CRIM1: variants seen among roughly 807,000 people sequenced by gnomAD.
CRIM1 encodes the protein cysteine-rich motor neuron 1 protein.
In CRIM1, 32 loss-of-function variants were observed where a neutral mutation model predicts 116.4. The ratio of observed to expected loss-of-function variants is 0.27; its 90% confidence interval spans 0.21 to 0.37. CRIM1 has a LOEUF of 0.37. Ranked by LOEUF, CRIM1 falls within the 10% of genes least tolerant of loss-of-function variation. CRIM1 has a pLI of 1.00. For synonymous variants in CRIM1, 590 were observed against 509.2 expected, an observed-to-expected ratio of 1.16 and a Z score of -2.13; for missense variants, 1,331 against 1,354.8, an observed-to-expected ratio of 0.98 and a Z score of 0.28.
At chr2:36,363,388 A>G (rs12712499) in intron 1 of CRIM1, among the ~76,000 whole-genome samples, 34,285 of 151,888 alleles carry the variant, frequency 0.23, 4,214 homozygotes, top group Non-Finnish European at 0.28. Context: ...GCTACTAACC[A>G]GTATAAGTGA....
At chr2:36,539,526 A>G (rs1419300042) in intron 14 of CRIM1, among the ~76,000 whole-genome samples, 1 of 152,158 alleles carries the variant, frequency 6.6e-6, no homozygotes, top group Non-Finnish European at 1.5e-5. Flanking sequence ...TTACCTTTGA[A>G]TGGGATTTCT....
chr2:36,544,006 A>C (rs1365621895), intron 14 of CRIM1, among the ~76,000 whole-genome samples: 1 of 152,182 alleles, frequency 6.6e-6, no homozygotes, highest in East Asian at 1.9e-4. Context: ...CAATACCCCC[A>C]TATTAAAGAG....
In CRIM1 at chr2:36,471,761, C is replaced by CACACACACACACACACA. The variant is rs72156127; in HGVS notation, c.992-5127_992-5126insCACACACACACACACAA. ...CACACACACACACACACACACACAC[C>CACACACACACACACACA]ATCTTACAATGTTTTAAGAAAGTTT... On this transcript the variant is annotated intron_variant, in intron 5 of 16. Transcript: ENST00000280527. 1.9e-3 allele frequency among the ~76,000 whole-genome samples: 249 copies of CACACACACACACACACA among 128,658 alleles called. 4 individuals are homozygous for CACACACACACACACACA. Among genetic ancestry groups the CACACACACACACACACA allele is most frequent in the African/African-American group, 6.5e-3 (233 of 35,588 alleles). The allele number at this position is 128,658 out of a possible 152,430, so 84.4% of individuals were successfully genotyped here.
chr2:36,469,476 A>G (rs781527932), intron 5 of CRIM1, among the ~76,000 whole-genome samples: 12 of 152,332 alleles, frequency 7.9e-5, no homozygotes, highest in Non-Finnish European at 1.6e-4. Context: ...ATTCAGGCAT[A>G]TACGAAAGGC....
At chr2:36,390,392 C>A (rs1671481828) in intron 1 of CRIM1, among the ~76,000 whole-genome samples, 1 of 152,180 alleles carries the variant, frequency 6.6e-6, no homozygotes. Flanking sequence ...GGTGAGCTGT[C>A]CCTGGCATTT....
intron 4 of CRIM1, among the ~76,000 whole-genome samples, chr2:36,450,039 C>T (rs893243351): frequency 1.3e-5 from 2 of 151,944 alleles, no homozygotes; most frequent in Non-Finnish European, 2.9e-5. Flanking sequence ...TGTTAGTTAA[C>T]CTTTTTTTTT....
At position 36,545,857 on chromosome 2, in the gene CRIM1, ATT is replaced by A. The variant is rs766452859; in HGVS notation, c.2747-1125_2747-1124del. ...AAATTCATTCTTTTATTCATTGTAT[ATT>A]TAAAATCTGAATTCATCAATAAAAT... On this transcript the variant is annotated intron_variant, in intron 15 of 16. Coordinates refer to ENST00000280527, the MANE Select transcript of CRIM1 (RefSeq NM_016441.3). Among the ~76,000 whole-genome samples, 3 of 152,142 alleles carry A rather than the reference ATT, an allele frequency of 2.0e-5. No individual in the cohort carries two copies. In the East Asian group the frequency reaches 5.8e-4, roughly 29 times the overall value.
chr2:36,482,317 TTAA>T (rs1206351039), intron 7 of CRIM1, among the ~76,000 whole-genome samples: 1 of 152,168 alleles, frequency 6.6e-6, no homozygotes, highest in African/African-American at 2.4e-5. Flanking sequence ...TTAAGATGTA[TTAA>T]TAATAAGAAC....
Position 36,549,713 on chromosome 2 carries a change from T to C in CRIM1, c.*1012T>C, listed in dbSNP as rs1042826553. 2 of 152,480 alleles carry C rather than the reference T, an allele frequency of 1.3e-5. No homozygotes were observed. Among genetic ancestry groups the C allele is most frequent in the Admixed American group, 6.6e-5 (1 of 15,266 alleles). 9.4% of individuals were successfully genotyped at this position (152,480 alleles called of 1,614,324 possible). A position where few individuals can be genotyped will look rare whatever the true frequency, so the allele number is the denominator to read the frequency against. ...GAAACTACTTCATTTTAATTGTATA[T>C]TATTCAAGCACCTTTGTTGAAGCTC... is the stretch of plus-strand genomic sequence containing the variant. On this transcript the variant is annotated 3_prime_UTR_variant, in exon 17 of 17. Coordinates refer to ENST00000280527, the MANE Select transcript of CRIM1 (RefSeq NM_016441.3).
At chr2:36,456,546 T>C (rs1224439753) in intron 4 of CRIM1, among the ~76,000 whole-genome samples, 1 of 152,180 alleles carries the variant, frequency 6.6e-6, no homozygotes, top group South Asian at 2.1e-4. Context: ...TCTTACTCTC[T>C]AAAGCCATCC....
intron 7 of CRIM1, among the ~76,000 whole-genome samples, chr2:36,487,080 CATTTT>C (rs1679876636): frequency 6.6e-6 from 1 of 152,152 alleles, no homozygotes; most frequent in South Asian, 2.1e-4. Flanking sequence ...TAGAATTTAA[CATTTT>C]AATTAGTAAT....
Position 36,441,266 on chromosome 2 carries a change from C to T in CRIM1, c.514C>T (p.Pro172Ser). 6.2e-7 allele frequency: 1 copy of T among 1,614,184 alleles called. No homozygotes were observed. Among genetic ancestry groups the T allele is most frequent in the Non-Finnish European group, 8.5e-7 (1 of 1,180,022 alleles). The part of the protein sequence containing the change: ...SALKRIEEEK[P>S]DCSKARCEVQ... ...CTTTCTCTCCCTTTTAGAAGAGAAG[C>T]CAGATTGCTCCAAGGCCCGCTGTGA... Residue 172 changes from proline (P) to serine (S), a missense_variant, in exon 3 of 17, where the codon CCA (proline) becomes TCA (serine). Pro to Ser is a moderately conservative substitution (Grantham distance 74). This residue lies in a region of CRIM1 where 690 missense variants were observed against 676.0 expected (regional missense o/e 1.02). Transcript: ENST00000280527.
chr2:36,490,882 C>T (rs1215004134), intron 7 of CRIM1, among the ~76,000 whole-genome samples: 3 of 152,184 alleles, frequency 2.0e-5, no homozygotes, highest in Admixed American at 6.5e-5. Context: ...GCTCAGCCTC[C>T]ATCAGTCTGC....
At chr2:36,381,672 A>G (rs1287335239) in intron 1 of CRIM1, among the ~76,000 whole-genome samples, 1 of 152,206 alleles carries the variant, frequency 6.6e-6, no homozygotes, top group African/African-American at 2.4e-5. Flanking sequence ...CTGTAATCCC[A>G]GCTACTCAGG....
intron 1 of CRIM1, among the ~76,000 whole-genome samples, chr2:36,384,296 T>A (rs1006799708): frequency 6.6e-6 from 1 of 152,024 alleles, no homozygotes; most frequent in African/African-American, 2.4e-5. Context: ...CAGTGGGAGG[T>A]AACTGGACGG....
At chr2:36,500,056 G>T (rs1680878132) in intron 8 of CRIM1, among the ~76,000 whole-genome samples, 1 of 152,104 alleles carries the variant, frequency 6.6e-6, no homozygotes, top group Non-Finnish European at 1.5e-5. Context: ...GGCAGGCATG[G>T]TGGCTCACGC....
rs533383433 is a variant in CRIM1, at chr2:36,421,790, CTTGCTCT to C, written c.506-19465_506-19459del. Among the ~76,000 whole-genome samples the C allele has an allele frequency of 3.3e-5, 5 of 152,080 alleles. No homozygotes were observed. In the South Asian group the frequency reaches 1.0e-3, roughly 32 times the overall value. Reference sequence around the variant, plus strand: ...TGAAGGAGGAATGTTTTTTGTGTCTCTTGCTCTTTCCCTCCTTTCTTTCCTTCTTTCC... The same window carrying C: ...TGAAGGAGGAATGTTTTTTGTGTCTCTTCCCTCCTTTCTTTCCTTCTTTCC... On this transcript the variant is annotated intron_variant, in intron 2 of 16. Coordinates refer to ENST00000280527, the MANE Select transcript of CRIM1 (RefSeq NM_016441.3).
chr2:36,416,097 A>G (rs901835799), intron 2 of CRIM1, among the ~76,000 whole-genome samples: 4 of 152,086 alleles, frequency 2.6e-5, no homozygotes, highest in Non-Finnish European at 5.9e-5. Flanking sequence ...AATCCCAGCT[A>G]CTCAGGAGGC....
intron 1 of CRIM1, among the ~76,000 whole-genome samples, chr2:36,370,850 AAT>A (rs1669898651): frequency 6.6e-6 from 1 of 152,178 alleles, no homozygotes; most frequent in South Asian, 2.1e-4. Context: ...ATCTTAGTAT[AAT>A]AAGCATTTAA....
Sources: gnomAD v4.1 joint callset for allele counts (sites outside exome capture counted in the v4.1 genomes callset) on GRCh38, gnomAD v4.1.1 for gene constraint, gnomAD v4.1.1 regional missense constraint, MANE v1.5 for transcripts, NCBI Gene and HGNC (gene_info 2026-07-23, HGNC 2026-07-21) for gene names.